Variants in PAX2 observed in about 807,000 individuals in gnomAD.
The protein encoded by PAX2 is paired box 2, also known as paired box protein Pax-2.
PAX2 carries 9 observed loss-of-function variants against 41.7 expected under a neutral mutation model. The observed-to-expected ratio is 0.22, with a 90% CI of 0.13 to 0.38. The LOEUF (loss-of-function observed/expected upper bound fraction) is 0.38. PAX2 is among the 10% of genes least tolerant of loss of function. The probability of loss-of-function intolerance (pLI) is 1.00; values close to 1 mark genes in which losing one functional copy is unlikely to be tolerated. For synonymous variants in PAX2, 221 were observed against 212.7 expected, an observed-to-expected ratio of 1.04 and a Z score of -0.34; for missense variants, 418 against 531.6, an observed-to-expected ratio of 0.79 and a Z score of 2.10.
Position 100,828,338 on chromosome 10 carries a change from C to A in PAX2, c.*719C>A, listed in dbSNP as rs890497465. The A allele has an allele frequency of 4.3e-6, 1 of 232,710 alleles. No individual in the cohort carries two copies. Among genetic ancestry groups the A allele is most frequent in the Non-Finnish European group, 8.5e-6 (1 of 117,852 alleles). The allele number at this position is 232,710 out of a possible 1,614,324, so 14.4% of individuals were successfully genotyped here. On this transcript the variant is annotated 3_prime_UTR_variant, in exon 10 of 10. Transcript: ENST00000355243. The surrounding 1 kb of genome is among the most constrained non-coding windows in gnomAD (Gnocchi z 6.5). ...GGGGGGCCCAGCAGCCCGCACCGATCGAGCCGGACTCTCGGCTCTTCACTG... is the reference window on the plus strand; with the variant it reads ...GGGGGGCCCAGCAGCCCGCACCGATAGAGCCGGACTCTCGGCTCTTCACTG...
chr10:100,785,305 G>A (rs184164364), intron 5 of PAX2, among the ~76,000 whole-genome samples: 73 of 152,360 alleles, frequency 4.8e-4, no homozygotes, highest in Non-Finnish European at 4.0e-4. Context: ...GAAGCGCAGG[G>A]CAGTTACACA....
intron 7 of PAX2, 96 bp downstream of exon 7, chr10:100,809,332 C>A (rs1847913346): frequency 8.3e-7 from 1 of 1,199,142 alleles, no homozygotes; most frequent in Non-Finnish European, 1.2e-6. Flanking sequence ...AGGTCCCCCA[C>A]CGTGATATTT....
chr10:100,785,282 C>T (rs972216632), intron 5 of PAX2, among the ~76,000 whole-genome samples: 6 of 152,168 alleles, frequency 3.9e-5, no homozygotes, highest in Admixed American at 3.3e-4. Flanking sequence ...TGCTGTTCAT[C>T]GGTGATGGTA....
chr10:100,743,432 G>C (rs576972178), upstream of PAX2, among the ~76,000 whole-genome samples: 11 of 152,230 alleles, frequency 7.2e-5, no homozygotes, highest in South Asian at 2.1e-3. Flanking sequence ...GGAAGGGGGG[G>C]GGTTTACTCA....
At chr10:100,744,363 C>G (rs74152639), upstream of PAX2, among the ~76,000 whole-genome samples, 110 of 152,350 alleles carry the variant, frequency 7.2e-4, no homozygotes, top group African/African-American at 2.5e-3. Context: ...GCTGAAGTGC[C>G]AAGATGATTT....
upstream of PAX2, among the ~76,000 whole-genome samples, chr10:100,740,828 G>A (rs966950604): frequency 7.9e-5 from 12 of 152,232 alleles, no homozygotes; most frequent in Admixed American, 2.0e-4. Context: ...CCAGGTCTGA[G>A]CCAGAAGTAC....
At chr10:100,760,405 T>C (rs536393323) in intron 3 of PAX2, among the ~76,000 whole-genome samples, 8 of 152,300 alleles carry the variant, frequency 5.3e-5, no homozygotes, top group Non-Finnish European at 1.0e-4. Context: ...GACATCCTGA[T>C]GGGTCAATGA....
At chr10:100,799,626 C>T (rs1361752324) in intron 5 of PAX2, among the ~76,000 whole-genome samples, 2 of 152,066 alleles carry the variant, frequency 1.3e-5, no homozygotes, top group African/African-American at 4.8e-5. Context: ...ATAATTTTGC[C>T]TCTCTAAGAC....
At position 100,748,651 on chromosome 10, in the gene PAX2, C is replaced by A; in HGVS notation, c.44-1095C>A. The stretch of plus-strand genomic sequence containing the variant: ...GCTGTAGGCCAGGGAGAATGGGGCA[C>A]AGGAAGCACCCTCAGGCCTGGCACC... On this transcript the variant is annotated intron_variant, in intron 1 of 9. Transcript: ENST00000355243. This position sits in a 1 kb window ranked among gnomAD's most constrained non-coding sequence, Gnocchi z 5.0. 3.2e-5 allele frequency: 32 copies of A among 985,408 alleles called. No homozygotes were observed. The highest frequency in any genetic ancestry group is 3.9e-5 in the Non-Finnish European group (32 of 829,920). 61.0% of individuals were successfully genotyped at this position (985,408 alleles called of 1,614,324 possible). A position where few individuals can be genotyped will look rare whatever the true frequency, so the allele number is the denominator to read the frequency against.
intron 7 of PAX2, among the ~76,000 whole-genome samples, chr10:100,821,502 T>C (rs1162046585): frequency 2.0e-5 from 3 of 152,250 alleles, no homozygotes; most frequent in Non-Finnish European, 2.9e-5. Flanking sequence ...GTTTTCTAAA[T>C]AGAATTTGGC....
At chr10:100,744,534 C>T (rs576466528), upstream of PAX2, among the ~76,000 whole-genome samples, 1 of 152,220 alleles carries the variant, frequency 6.6e-6, no homozygotes, top group South Asian at 2.1e-4. Context: ...GGAGTGGGGA[C>T]GTCCCCGTGG....
intron 3 of PAX2, among the ~76,000 whole-genome samples, chr10:100,757,485 G>T (rs9943425): frequency 0.011 from 1,746 of 152,368 alleles, 40 homozygotes; most frequent in African/African-American, 0.039. Context: ...TGCCACAAGA[G>T]CTGTGCGACC....
At chr10:100,813,494 G>A (rs1848072518) in intron 7 of PAX2, among the ~76,000 whole-genome samples, 1 of 152,204 alleles carries the variant, frequency 6.6e-6, no homozygotes, top group Admixed American at 6.5e-5. Context: ...AGAGGATGGG[G>A]TTGTAACACA....
chr10:100,762,160 T>A (rs1845863127), intron 3 of PAX2, among the ~76,000 whole-genome samples: 1 of 151,754 alleles, frequency 6.6e-6, no homozygotes. Context: ...GACCAGGAGT[T>A]TGAGACCAGA....
intron 5 of PAX2, among the ~76,000 whole-genome samples, chr10:100,784,104 C>T (rs1211424886): frequency 5.3e-5 from 8 of 152,182 alleles, no homozygotes; most frequent in African/African-American, 1.9e-4. Context: ...CTTTCCCCCA[C>T]TCTGGATGCT....
chr10:100,825,489 C>A (rs1848519733), intron 8 of PAX2, among the ~76,000 whole-genome samples: 1 of 152,148 alleles, frequency 6.6e-6, no homozygotes, highest in African/African-American at 2.4e-5. Context: ...ATACCTAACC[C>A]CTAACCCCAG....
At chr10:100,818,545 G>C (rs1848266137) in intron 7 of PAX2, among the ~76,000 whole-genome samples, 1 of 151,832 alleles carries the variant, frequency 6.6e-6, no homozygotes, top group African/African-American at 2.4e-5. Flanking sequence ...TTGAGAATAT[G>C]ATAAAAGTCA....
intron 7 of PAX2, among the ~76,000 whole-genome samples, chr10:100,812,599 A>G (rs962179881): frequency 6.6e-6 from 1 of 152,208 alleles, no homozygotes; most frequent in Non-Finnish European, 1.5e-5. Context: ...CTCCAACTGC[A>G]TGCAGGAGGC....
At chr10:100,794,943 C>T (rs759183729) in intron 5 of PAX2, among the ~76,000 whole-genome samples, 2 of 152,096 alleles carry the variant, frequency 1.3e-5, no homozygotes, top group African/African-American at 2.4e-5. Context: ...TAATTCTACC[C>T]GATTAAGGTC....
Sources: gnomAD v4.1 joint callset for allele counts (sites outside exome capture counted in the v4.1 genomes callset) on GRCh38, gnomAD v4.1.1 for gene constraint, Gnocchi (gnomAD v3.1) non-coding constraint, MANE v1.5 for transcripts, NCBI Gene and HGNC (gene_info 2026-07-23, HGNC 2026-07-21) for gene names.